The following ADAM7 variants were observed in gnomAD, a reference collection of about 807,000 sequenced individuals.
ADAM7 encodes disintegrin and metalloproteinase domain-containing protein 7.
ADAM7 carries 97 observed loss-of-function variants against 102.9 expected under a neutral mutation model. The ratio of observed to expected loss-of-function variants is 0.94; its 90% CI spans 0.80 to 1.12. The LOEUF (loss-of-function observed/expected upper bound fraction) is 1.12, where lower values mean the gene tolerates loss of function less well. Among genes scored for constraint, ADAM7 ranks in the 50% most tolerant of loss-of-function variants. The pLI, the probability that ADAM7 is intolerant of heterozygous loss-of-function variation, is 0.00. For missense variants in ADAM7, 991 were observed against 908.7 expected (o/e 1.09, Z -1.16); for synonymous variants, 334 against 304.4 (o/e 1.10, Z -1.01).
intron 20 of ADAM7, among the ~76,000 whole-genome samples, chr8:24,502,636 C>A (rs1227580089): frequency 1.3e-5 from 2 of 151,934 alleles, no homozygotes; most frequent in Admixed American, 1.3e-4. Flanking sequence ...TTTGACAGTG[C>A]AATGAAATGG....
Position 24,447,209 on chromosome 8 carries a change from G to C in ADAM7, c.180G>C (p.Leu60Phe), listed in dbSNP as rs777911330. The C allele has an allele frequency of 4.5e-6, 7 of 1,553,532 alleles. No homozygotes were observed. The highest frequency in any genetic ancestry group is 5.3e-6 in the Non-Finnish European group (6 of 1,138,854). Residue 60 changes from leucine (L) to phenylalanine (F), a missense_variant, in exon 3 of 22, where the codon TTG becomes TTC. Coordinates refer to ENST00000175238, the MANE Select transcript of ADAM7 (RefSeq NM_003817.4). ...DILKTYEEEL[L>F]YEIKLNRKTL... ...AGAAAACGTATGAAGAAGAATTGTT[G>C]TATGAAATAAAACTAAATAGAAAAA...
intron 10 of ADAM7, among the ~76,000 whole-genome samples, chr8:24,486,684 G>T (rs765176457): frequency 6.6e-6 from 1 of 152,094 alleles, no homozygotes; most frequent in Non-Finnish European, 1.5e-5. Context: ...ACACCTTCTT[G>T]CTGTGTCCTG....
At position 24,487,183 on chromosome 8, in the gene ADAM7, T is replaced by G; in HGVS notation, c.961-4T>G. 6.2e-7 allele frequency: 1 copy of G among 1,613,192 alleles called. No individual in the cohort carries two copies. The highest frequency in any genetic ancestry group is 8.5e-7 in the Non-Finnish European group (1 of 1,179,504). ...AATTTCTAATGCAATTGTTTTATCATCAGGATCTTTTACCTGACACAAACA... is the reference window on the plus strand; with the variant it reads ...AATTTCTAATGCAATTGTTTTATCAGCAGGATCTTTTACCTGACACAAACA... On this transcript the variant is annotated splice_region_variant and splice_polypyrimidine_tract_variant and intron_variant, in intron 10 of 21. Coordinates refer to ENST00000175238, the MANE Select transcript of ADAM7 (RefSeq NM_003817.4).
In ADAM7 at chr8:24,501,526, G is replaced by C; in HGVS notation, c.2158G>C (p.Glu720Gln). 1 of 1,609,052 alleles carries C rather than the reference G, an allele frequency of 6.2e-7. No homozygotes were observed. Among genetic ancestry groups the C allele is most frequent in the Non-Finnish European group, 8.5e-7 (1 of 1,178,336 alleles). The change falls in exon 20 of 22, where the codon GAG becomes CAG. Residue 720 changes from glutamate to glutamine, a missense_variant. Transcript: ENST00000175238. ...GVENKGYFGD[E>Q]QQIRTEPILP... ...GGAGAACAAAGGATACTTTGGTGATGAGCAGCAGATAAGGACTGAGCCAAT... is the reference window on the plus strand; with the variant it reads ...GGAGAACAAAGGATACTTTGGTGATCAGCAGCAGATAAGGACTGAGCCAAT...
chr8:24,458,665 A>G (rs1459519927), intron 3 of ADAM7, among the ~76,000 whole-genome samples: 5 of 152,074 alleles, frequency 3.3e-5, no homozygotes, highest in Non-Finnish European at 5.9e-5. Context: ...TTTTATGACA[A>G]TGGCTAGGAC....
intron 21 of ADAM7, 55 bp downstream of exon 21, chr8:24,507,590 A>T: frequency 1.4e-6 from 2 of 1,426,564 alleles, no homozygotes; most frequent in Non-Finnish European, 2.0e-6. Flanking sequence ...ATGCTGGCAT[A>T]GTTTTGTGTT....
At chr8:24,453,418 T>C (rs980073750) in intron 3 of ADAM7, among the ~76,000 whole-genome samples, 5 of 152,156 alleles carry the variant, frequency 3.3e-5, no homozygotes, top group East Asian at 1.9e-4. Context: ...CCATCACTGA[T>C]ACCCTTTCTT....
intron 8 of ADAM7, among the ~76,000 whole-genome samples, chr8:24,479,236 A>T (rs1179738174): frequency 6.6e-6 from 1 of 152,072 alleles, no homozygotes; most frequent in Non-Finnish European, 1.5e-5. Context: ...AGTCTTAGGG[A>T]AGCCCTGTCC....
chr8:24,461,860 A>T (rs1819253379), intron 3 of ADAM7, among the ~76,000 whole-genome samples: 1 of 152,194 alleles, frequency 6.6e-6, no homozygotes, highest in South Asian at 2.1e-4. Flanking sequence ...TATCTGCCAC[A>T]GTTCTACATT....
At position 24,466,919 on chromosome 8, in the gene ADAM7, T is replaced by A; in HGVS notation, c.510T>A (p.Cys170Ter). 1.2e-6 allele frequency: 2 copies of A among 1,614,052 alleles called. No homozygotes were observed. Among genetic ancestry groups the A allele is most frequent in the Non-Finnish European group, 1.7e-6 (2 of 1,179,960 alleles). Residue 170 changes from cysteine to a stop codon, truncating the protein, a stop_gained, in exon 6 of 22, where the codon TGT becomes TGA. Transcript: ENST00000175238. LOFTEE classifies it high-confidence loss of function. The stretch of plus-strand genomic sequence containing the variant: ...TGCCGTATGGTGCCAATTATTCCTG[T>A]ACAGAGCTTAATTTTACCAGAAAAA... Reference protein sequence around the residue: ...LRVPYGANYSCTELNFTRKTV... With the variant: ...LRVPYGANYS
intron 16 of ADAM7, among the ~76,000 whole-genome samples, chr8:24,498,635 T>C (rs549844758): frequency 6.6e-6 from 1 of 151,656 alleles, no homozygotes; most frequent in Admixed American, 6.6e-5. Context: ...TTTGAACTGG[T>C]GGCAATAAAT....
chr8:24,444,386 C>A (rs1003716382), intron 2 of ADAM7, among the ~76,000 whole-genome samples: 2 of 151,876 alleles, frequency 1.3e-5, no homozygotes, highest in African/African-American at 2.4e-5. Context: ...TAAATCCCCA[C>A]CCATTAAGTG....
At chr8:24,492,734 G>T in intron 15 of ADAM7, 137 bp downstream of exon 15, 1 of 629,100 alleles carries the variant, frequency 1.6e-6, no homozygotes, top group East Asian at 2.8e-5. Context: ...AAATCTTGGT[G>T]TCCTGATTAA....
Position 24,508,760 on chromosome 8 carries a change from GA to G in ADAM7, c.*222del, listed in dbSNP as rs1240013951. ...CCCTCTATCATAAACATATGCTGCA[GA>G]AAAAAAATGTCTTGTGGTCTTTCAA... is the stretch of plus-strand genomic sequence containing the variant. On this transcript the variant is annotated 3_prime_UTR_variant, in exon 22 of 22. Transcript: ENST00000175238. 9.6e-6 allele frequency: 13 copies of G among 1,352,846 alleles called. No homozygotes were observed. The highest frequency in any genetic ancestry group is 4.1e-5 in the South Asian group (2 of 48,694). 83.8% of individuals were successfully genotyped at this position (1,352,846 alleles called of 1,614,324 possible). A position where few individuals can be genotyped will look rare whatever the true frequency, so the allele number is the denominator to read the frequency against.
intron 7 of ADAM7, among the ~76,000 whole-genome samples, chr8:24,472,016 T>C (rs1472203507): frequency 6.6e-6 from 1 of 151,332 alleles, no homozygotes; most frequent in East Asian, 1.9e-4. Context: ...AAAGAGAATT[T>C]ATGATTTAAA....
Position 24,499,315 on chromosome 8 carries a change from C to T in ADAM7, c.1922C>T (p.Pro641Leu). The T allele has an allele frequency of 2.5e-6, 4 of 1,595,570 alleles. No individual in the cohort carries two copies. Among genetic ancestry groups the T allele is most frequent in the Non-Finnish European group, 3.4e-6 (4 of 1,170,922 alleles). ...TNCPSQCNEN[P>L]VDGHGLQCHC... ...TGCCCCTCTCAGTGCAATGAAAATCCTGTAAGATATGACTGCTTTCAAAAT... is the reference window on the plus strand; with the variant it reads ...TGCCCCTCTCAGTGCAATGAAAATCTTGTAAGATATGACTGCTTTCAAAAT... Residue 641 changes from proline to leucine, a missense_variant and splice_region_variant, in exon 17 of 22, where the codon CCT (proline) becomes CTT (leucine). Physicochemically the swap from Pro to Leu is moderately conservative, Grantham distance 98. Coordinates refer to ENST00000175238, the MANE Select transcript of ADAM7 (RefSeq NM_003817.4).
intron 2 of ADAM7, among the ~76,000 whole-genome samples, chr8:24,446,625 TA>T (rs1208060075): frequency 6.6e-6 from 1 of 151,884 alleles, no homozygotes; most frequent in East Asian, 1.9e-4. Flanking sequence ...ACACATACTA[TA>T]AAAAATTTAT....
intron 9 of ADAM7, 121 bp downstream of exon 9, chr8:24,482,432 A>T: frequency 1.0e-6 from 1 of 977,166 alleles, no homozygotes; most frequent in Non-Finnish European, 1.5e-6. Context: ...ACACAGGGAC[A>T]AAATGTTATT....
chr8:24,499,957 T>C (rs908711984), intron 17 of ADAM7, among the ~76,000 whole-genome samples: 3 of 152,176 alleles, frequency 2.0e-5, no homozygotes, highest in Non-Finnish European at 4.4e-5. Flanking sequence ...AGTATCATTC[T>C]CTTATTCACA....
Sources: gnomAD v4.1 joint callset for allele counts (sites outside exome capture counted in the v4.1 genomes callset) on GRCh38, gnomAD v4.1.1 for gene constraint, MANE v1.5 for transcripts, NCBI Gene and HGNC (gene_info 2026-07-23, HGNC 2026-07-21) for gene names.